The following PLEKHM3 variants were observed in gnomAD, a reference collection of about 807,000 sequenced individuals.
PLEKHM3 encodes pleckstrin homology domain-containing family M member 3.
A neutral mutation model predicts 81.8 loss-of-function variants in PLEKHM3; 45 were observed. The ratio of observed to expected loss-of-function variants is 0.55; its 90% CI spans 0.43 to 0.71. The LOEUF is 0.71. Ranked by LOEUF, PLEKHM3 falls within the 30% of genes least tolerant of loss-of-function variation. The pLI, the probability that PLEKHM3 is intolerant of heterozygous loss-of-function variation, is 0.00. For missense variants in PLEKHM3, 788 were observed against 924.3 expected (o/e 0.85, Z 1.91); for synonymous variants, 352 against 356.4 (o/e 0.99, Z 0.14).
At chr2:207,919,770 T>C (rs1689120315) in intron 5 of PLEKHM3, among the ~76,000 whole-genome samples, 1 of 152,178 alleles carries the variant, frequency 6.6e-6, no homozygotes, top group Non-Finnish European at 1.5e-5. Flanking sequence ...ATTTCAACCT[T>C]TGGACTCAGC....
intron 5 of PLEKHM3, among the ~76,000 whole-genome samples, chr2:207,917,451 C>T (rs1689027717): frequency 6.6e-6 from 1 of 152,200 alleles, no homozygotes; most frequent in Non-Finnish European, 1.5e-5. Flanking sequence ...ATTAACCAGA[C>T]CTTGCACACT....
chr2:208,002,768 C>T (rs1692354170), intron 1 of PLEKHM3, among the ~76,000 whole-genome samples: 1 of 152,128 alleles, frequency 6.6e-6, no homozygotes, highest in Admixed American at 6.5e-5. Flanking sequence ...CAAATTAGAG[C>T]AGACCTTGAC....
intron 7 of PLEKHM3, among the ~76,000 whole-genome samples, chr2:207,845,063 T>C (rs543670983): frequency 6.6e-6 from 1 of 152,318 alleles, no homozygotes; most frequent in African/African-American, 2.4e-5. Flanking sequence ...ATGATAATTA[T>C]TAATGGTAGC....
intron 6 of PLEKHM3, among the ~76,000 whole-genome samples, chr2:207,872,308 C>G (rs1417238279): frequency 6.6e-6 from 1 of 152,164 alleles, no homozygotes; most frequent in African/African-American, 2.4e-5. Context: ...ACTAAATTAG[C>G]CCAGGTTTAG....
At chr2:208,005,183 C>T (rs1395935174) in intron 1 of PLEKHM3, among the ~76,000 whole-genome samples, 1 of 152,208 alleles carries the variant, frequency 6.6e-6, no homozygotes, top group Non-Finnish European at 1.5e-5. Flanking sequence ...CTATATACCC[C>T]ATGCTCAGTT....
intron 6 of PLEKHM3, among the ~76,000 whole-genome samples, chr2:207,905,084 ATTAAC>A (rs1392391263): frequency 1.3e-5 from 2 of 152,238 alleles, no homozygotes; most frequent in African/African-American, 2.4e-5. Flanking sequence ...GAAAAATCAA[ATTAAC>A]TTAAGAGAAA....
intron 2 of PLEKHM3, among the ~76,000 whole-genome samples, chr2:207,989,462 T>A (rs1411843842): frequency 6.6e-6 from 1 of 152,210 alleles, no homozygotes; most frequent in Non-Finnish European, 1.5e-5. Context: ...GGGCCTTCAC[T>A]TAGATTTTCC....
intron 3 of PLEKHM3, among the ~76,000 whole-genome samples, chr2:207,966,781 C>T (rs1690927481): frequency 6.6e-6 from 1 of 152,116 alleles, no homozygotes; most frequent in Non-Finnish European, 1.5e-5. Flanking sequence ...TCTCGATCTC[C>T]TGACCTCGTG....
chr2:207,900,067 G>A (rs1688367091), intron 6 of PLEKHM3: 1 of 152,114 alleles, frequency 6.6e-6, no homozygotes, highest in South Asian at 2.1e-4. Context: ...ATTTTATTAT[G>A]GGCTCACACA....
chr2:207,998,341 T>G (rs2106084537), intron 2 of PLEKHM3, among the ~76,000 whole-genome samples: 1 of 152,156 alleles, frequency 6.6e-6, no homozygotes, highest in Admixed American at 6.5e-5. Flanking sequence ...TCGTCTCTAC[T>G]AAAAATAATA....
chr2:207,883,488 GC>G (rs1169804025), intron 6 of PLEKHM3, among the ~76,000 whole-genome samples: 1 of 152,220 alleles, frequency 6.6e-6, no homozygotes, highest in African/African-American at 2.4e-5. Context: ...TAAATTACTG[GC>G]AAAAGTGAAC....
intron 3 of PLEKHM3, among the ~76,000 whole-genome samples, chr2:207,953,214 C>T (rs957316201): frequency 6.6e-6 from 1 of 152,212 alleles, no homozygotes; most frequent in Non-Finnish European, 1.5e-5. Context: ...GGACTTTAGA[C>T]TGCAACACTT....
intron 6 of PLEKHM3, among the ~76,000 whole-genome samples, chr2:207,905,201 C>T (rs1253390023): frequency 3.3e-5 from 5 of 152,306 alleles, no homozygotes; most frequent in African/African-American, 1.2e-4. Flanking sequence ...TTCCTTTCCC[C>T]TGCAAAATCT....
At chr2:207,905,515 A>G (rs746576970) in intron 6 of PLEKHM3, among the ~76,000 whole-genome samples, 7 of 152,232 alleles carry the variant, frequency 4.6e-5, no homozygotes, top group Non-Finnish European at 7.3e-5. Flanking sequence ...TTGCAAGAAC[A>G]ATTCAGATCT....
chr2:207,888,541 C>T (rs373360773), intron 6 of PLEKHM3, among the ~76,000 whole-genome samples: 9 of 152,206 alleles, frequency 5.9e-5, no homozygotes, highest in Non-Finnish European at 8.8e-5. Context: ...GGATTACAGG[C>T]GCCCGCCACC....
At chr2:207,892,743 A>G (rs1688099357) in intron 6 of PLEKHM3, among the ~76,000 whole-genome samples, 1 of 152,192 alleles carries the variant, frequency 6.6e-6, no homozygotes, top group African/African-American at 2.4e-5. Context: ...AGAAAAACCC[A>G]GAAGCAAGAA....
chr2:207,928,408 T>C (rs1036226684), intron 5 of PLEKHM3, among the ~76,000 whole-genome samples: 1 of 152,264 alleles, frequency 6.6e-6, no homozygotes, highest in Non-Finnish European at 1.5e-5. Flanking sequence ...TAACAGGTGG[T>C]GGCTTTTAAG....
intron 4 of PLEKHM3, among the ~76,000 whole-genome samples, chr2:207,935,777 C>T (rs1039425961): frequency 1.3e-5 from 2 of 152,184 alleles, no homozygotes; most frequent in South Asian, 2.1e-4. Flanking sequence ...TGTTACCATA[C>T]TCTATCAGCT....
At chr2:207,860,889 GCT>G (rs2092463818) in intron 7 of PLEKHM3, among the ~76,000 whole-genome samples, 1 of 152,156 alleles carries the variant, frequency 6.6e-6, no homozygotes, top group African/African-American at 2.4e-5. Flanking sequence ...TTTCTTTGCA[GCT>G]CTGTTATCTC....
Sources: gnomAD v4.1 joint callset for allele counts (sites outside exome capture counted in the v4.1 genomes callset) on GRCh38, gnomAD v4.1.1 for gene constraint, MANE v1.5 for transcripts, NCBI Gene and HGNC (gene_info 2026-07-23, HGNC 2026-07-21) for gene names.